Variants in GHR observed in about 807,000 individuals in gnomAD.
GHR encodes the protein growth hormone receptor.
A neutral mutation model predicts 67.1 loss-of-function variants in GHR; 35 were observed. That is an observed-to-expected ratio of 0.52 (90% confidence interval 0.40 to 0.69). GHR has a LOEUF of 0.69. Ranked by LOEUF, GHR falls within the 30% of genes least tolerant of loss-of-function variation. The pLI is 0.00. For missense variants in GHR, 792 were observed against 764.6 expected, an observed-to-expected ratio of 1.04 and a Z score of -0.42; for synonymous variants, 272 against 269.1, an observed-to-expected ratio of 1.01 and a Z score of -0.10.
At chr5:42,467,730 C>T in intron 1 of GHR, 1 of 1,562,562 alleles carries the variant, frequency 6.4e-7, no homozygotes, top group African/African-American at 1.4e-5. Flanking sequence ...AAGGTTTCTC[C>T]CCGGTGTGGA....
At chr5:42,630,309 A>G (rs1211734963) in intron 3 of GHR, among the ~76,000 whole-genome samples, 1 of 132,032 alleles carries the variant, frequency 7.6e-6, no homozygotes, top group Non-Finnish European at 1.6e-5. Context: ...AATTTTAGGG[A>G]TGGATATTTT....
intron 1 of GHR, among the ~76,000 whole-genome samples, chr5:42,510,199 C>A (rs1579842328): frequency 6.6e-6 from 1 of 152,196 alleles, no homozygotes; most frequent in African/African-American, 2.4e-5. Context: ...CAAATAGTAA[C>A]CATTTATCAC....
At chr5:42,513,703 AC>A (rs1398736207) in intron 1 of GHR, among the ~76,000 whole-genome samples, 2 of 151,230 alleles carry the variant, frequency 1.3e-5, no homozygotes, top group East Asian at 3.9e-4. Flanking sequence ...AATCGCTTGA[AC>A]TCGGGAGGCG....
At chr5:42,495,507 A>G (rs1746285001) in intron 1 of GHR, among the ~76,000 whole-genome samples, 1 of 151,936 alleles carries the variant, frequency 6.6e-6, no homozygotes, top group Non-Finnish European at 1.5e-5. Context: ...TATGTTATTC[A>G]TCCTGTATTA....
chr5:42,442,721 A>G (rs1743630330), intron 1 of GHR, among the ~76,000 whole-genome samples: 1 of 152,210 alleles, frequency 6.6e-6, no homozygotes, highest in East Asian at 1.9e-4. Context: ...TCCTTAAGGG[A>G]GAATATTGAT....
At chr5:42,469,532 A>G (rs1744903341) in intron 1 of GHR, among the ~76,000 whole-genome samples, 1 of 152,146 alleles carries the variant, frequency 6.6e-6, no homozygotes, top group African/African-American at 2.4e-5. Flanking sequence ...TCTGCCAGTC[A>G]TGTCCAAGCC....
intron 3 of GHR, among the ~76,000 whole-genome samples, chr5:42,642,318 C>T (rs1043069769): frequency 3.9e-5 from 6 of 152,150 alleles, no homozygotes; most frequent in African/African-American, 1.4e-4. Flanking sequence ...TAATCACCTC[C>T]TTCTACTTGC....
At chr5:42,655,031 G>C (rs370147213) in intron 3 of GHR, among the ~76,000 whole-genome samples, 30 of 152,100 alleles carry the variant, frequency 2.0e-4, no homozygotes, top group Middle Eastern at 6.8e-3. Flanking sequence ...ATCTTCTCCA[G>C]CCCCAAGTCA....
chr5:42,519,530 G>A (rs1171336458), intron 1 of GHR, among the ~76,000 whole-genome samples: 1 of 152,146 alleles, frequency 6.6e-6, no homozygotes, highest in East Asian at 1.9e-4. Flanking sequence ...GATGGCCAAA[G>A]AGAAGATTCT....
At chr5:42,502,006 TC>T (rs1188516856) in intron 1 of GHR, among the ~76,000 whole-genome samples, 1 of 152,194 alleles carries the variant, frequency 6.6e-6, no homozygotes, top group Non-Finnish European at 1.5e-5. Context: ...TTCATATCCC[TC>T]CTTTACAGTA....
At chr5:42,493,396 G>C (rs1213830062) in intron 1 of GHR, among the ~76,000 whole-genome samples, 2 of 152,006 alleles carry the variant, frequency 1.3e-5, no homozygotes, top group Non-Finnish European at 2.9e-5. Context: ...ACACTTTCAG[G>C]CTCTGATTTT....
At chr5:42,474,328 A>AGAAAGAAAGAAAGAAAGAAAGAAG (rs1404365162) in intron 1 of GHR, among the ~76,000 whole-genome samples, 1 of 143,438 alleles carries the variant, frequency 7.0e-6, no homozygotes, top group African/African-American at 2.6e-5. Flanking sequence ...AAAGAAAGAA[A>AGAAAGAAAGAAAGAAAGAAAGAAG]GAAAGAAAGA....
At chr5:42,627,211 A>G (rs1753745414) in intron 2 of GHR, among the ~76,000 whole-genome samples, 1 of 152,020 alleles carries the variant, frequency 6.6e-6, no homozygotes, top group East Asian at 1.9e-4. Context: ...TTTTTACTGA[A>G]CTTTTTTTCA....
chr5:42,671,644 A>AG (rs1756306399), intron 3 of GHR, among the ~76,000 whole-genome samples: 1 of 150,380 alleles, frequency 6.6e-6, no homozygotes. Context: ...TTCATGTTAA[A>AG]AAAAAAAAAA....
intron 6 of GHR, among the ~76,000 whole-genome samples, chr5:42,707,789 C>CCA (rs1212663074): frequency 1.3e-5 from 2 of 151,540 alleles, no homozygotes; most frequent in Non-Finnish European, 1.5e-5. Flanking sequence ...TCCACATACT[C>CCA]CACACACACA....
intron 2 of GHR, among the ~76,000 whole-genome samples, chr5:42,568,235 A>G (rs971103956): frequency 9.9e-5 from 15 of 152,068 alleles, no homozygotes; most frequent in African/African-American, 3.6e-4. Context: ...ATTTTTTTTT[A>G]TTAAATCTAA....
chr5:42,663,711 T>A (rs1755791988), intron 3 of GHR, among the ~76,000 whole-genome samples: 1 of 152,158 alleles, frequency 6.6e-6, no homozygotes, highest in Admixed American at 6.5e-5. Context: ...CTCTCACCAC[T>A]CCTATTCAAC....
chr5:42,624,226 G>A (rs868210956), intron 2 of GHR, among the ~76,000 whole-genome samples: 1 of 152,164 alleles, frequency 6.6e-6, no homozygotes, highest in Non-Finnish European at 1.5e-5. Context: ...TTAAATGCTG[G>A]TTTGTGAAGA....
At position 42,424,599 on chromosome 5, in the gene GHR, G is replaced by A; in HGVS notation, c.-12+644G>A. The A allele has an allele frequency of 6.5e-7, 1 of 1,534,708 alleles. No individual in the cohort carries two copies. The highest frequency in any genetic ancestry group is 8.7e-7 in the Non-Finnish European group (1 of 1,146,050). On this transcript the variant is annotated intron_variant, in intron 1 of 9. Transcript: ENST00000230882. The surrounding 1 kb of genome is among the most constrained non-coding windows in gnomAD (Gnocchi z 4.1). Reference sequence around the variant, plus strand: ...CAGCCACCAGTCCGCATGAACTGGGGTAAGTGGAAATTGTGGCGAGCCGAC... The same window carrying A: ...CAGCCACCAGTCCGCATGAACTGGGATAAGTGGAAATTGTGGCGAGCCGAC...
Sources: allele counts gnomAD v4.1 joint callset (sites outside exome capture counted in the v4.1 genomes callset), GRCh38; gene constraint gnomAD v4.1.1; non-coding constraint Gnocchi (gnomAD v3.1); transcripts MANE v1.5; gene names NCBI Gene and HGNC (gene_info 2026-07-23, HGNC 2026-07-21).